Variants in FERMT2 observed in about 807,000 individuals in gnomAD.
The protein encoded by FERMT2 is fermitin family homolog 2.
In FERMT2, 15 loss-of-function variants were observed where a neutral mutation model predicts 82.7. The ratio of observed to expected loss-of-function variants is 0.18; its 90% CI spans 0.12 to 0.28. The LOEUF (loss-of-function observed/expected upper bound fraction) is 0.28, where lower values mean the gene tolerates loss of function less well. FERMT2 is among the 10% of genes least tolerant of loss of function. The pLI is 1.00. For synonymous variants in FERMT2, 274 were observed against 271.5 expected (o/e 1.01, Z -0.09); for missense variants, 645 against 809.4 (o/e 0.80, Z 2.46).
rs528755413 is a variant in FERMT2 at position 52,933,192 on chromosome 14, A to T, written c.158-13836T>A. ...TAGATAATATGTATCTCTACAAGTT[A>T]TATTTTACTTTTTCCTCTCCCTCAG... On this transcript the variant is annotated intron_variant, in intron 2 of 14. Coordinates refer to ENST00000341590, the MANE Select transcript of FERMT2 (RefSeq NM_006832.3). 2.5e-4 allele frequency among the ~76,000 whole-genome samples: 38 copies of T among 152,292 alleles called. 1 individual carries two copies. Among genetic ancestry groups the T allele is most frequent in the African/African-American group, 8.2e-4 (34 of 41,568 alleles).
intron 4 of FERMT2, among the ~76,000 whole-genome samples, chr14:52,891,515 ATT>A (rs1390652958): frequency 6.6e-6 from 1 of 152,216 alleles, no homozygotes; most frequent in East Asian, 1.9e-4. Flanking sequence ...CTGTGCCATA[ATT>A]TCTTATCCTT....
chr14:52,931,952 C>T (rs1252285231), intron 2 of FERMT2, among the ~76,000 whole-genome samples: 1 of 152,176 alleles, frequency 6.6e-6, no homozygotes, highest in Non-Finnish European at 1.5e-5. Context: ...TCACCTGAAC[C>T]TGGGAGGCAG....
chr14:52,887,421 G>A (rs1886677760), intron 4 of FERMT2, among the ~76,000 whole-genome samples: 2 of 151,994 alleles, frequency 1.3e-5, no homozygotes, highest in Admixed American at 6.6e-5. Context: ...GCGGAGGGAG[G>A]AGGATCACTT....
intron 2 of FERMT2, among the ~76,000 whole-genome samples, chr14:52,949,664 GA>G (rs1159764418): frequency 6.6e-6 from 1 of 152,182 alleles, no homozygotes; most frequent in Non-Finnish European, 1.5e-5. Flanking sequence ...CATACTGTAA[GA>G]TACCTTATTA....
intron 12 of FERMT2, chr14:52,862,720 G>C (rs7151847): frequency 1.1e-3 from 161 of 152,264 alleles, no homozygotes; most frequent in African/African-American, 3.6e-3. Context: ...GCTCTAGTGA[G>C]AGAAAGGAGG....
intron 3 of FERMT2, among the ~76,000 whole-genome samples, chr14:52,913,015 T>C (rs1888410543): frequency 6.6e-6 from 1 of 152,208 alleles, no homozygotes; most frequent in African/African-American, 2.4e-5. Flanking sequence ...CTAAAAGTGA[T>C]TTTGATCCTT....
intron 3 of FERMT2, among the ~76,000 whole-genome samples, chr14:52,905,062 G>A (rs970688776): frequency 6.6e-6 from 1 of 151,328 alleles, no homozygotes; most frequent in Non-Finnish European, 1.5e-5. Flanking sequence ...GGTGGTGTGC[G>A]CTTGTAATCC....
chr14:52,931,425 T>A (rs1332248539), intron 2 of FERMT2, among the ~76,000 whole-genome samples: 1 of 152,254 alleles, frequency 6.6e-6, no homozygotes, highest in Non-Finnish European at 1.5e-5. Flanking sequence ...TTTATTAACA[T>A]AATTTTGATT....
Position 52,912,630 on chromosome 14 carries a change from C to T in FERMT2, c.391+6493G>A, listed in dbSNP as rs556641233. Among the ~76,000 whole-genome samples the T allele has an allele frequency of 4.6e-5, 7 of 152,170 alleles. No homozygotes were observed. The South Asian group carries it at 1.0e-3, about 23-fold the overall frequency. ...GTTCAAGCGATTCTCCTGCCTCAGC[C>T]TCTCAAACAGTTGGGACCACAGGTG... is the stretch of plus-strand genomic sequence containing the variant. On this transcript the variant is annotated intron_variant, in intron 3 of 14. Transcript: ENST00000341590.
intron 2 of FERMT2, among the ~76,000 whole-genome samples, chr14:52,936,839 C>T (rs2139687414): frequency 6.6e-6 from 1 of 152,232 alleles, no homozygotes; most frequent in Non-Finnish European, 1.5e-5. Context: ...ATACTCACTA[C>T]ATTATAGTAA....
chr14:52,947,903 T>C (rs759981044), intron 2 of FERMT2, among the ~76,000 whole-genome samples: 39 of 152,250 alleles, frequency 2.6e-4, no homozygotes, highest in Non-Finnish European at 4.3e-4. Flanking sequence ...TAATTGCTGC[T>C]ACTGAACATT....
chr14:52,858,610 A>G, intron 14 of FERMT2, 60 bp from the exon 15 acceptor site: 2 of 1,489,916 alleles, frequency 1.3e-6, no homozygotes, highest in Non-Finnish European at 1.9e-6. Flanking sequence ...GGGTCCACAC[A>G]AAACTACTGT....
At chr14:52,898,072 G>A (rs1887404461) in intron 3 of FERMT2, among the ~76,000 whole-genome samples, 2 of 151,202 alleles carry the variant, frequency 1.3e-5, no homozygotes, top group African/African-American at 4.9e-5. Flanking sequence ...GTATTTTACA[G>A]GCTATTTTCT....
At chr14:52,900,104 T>TG (rs1027309920) in intron 3 of FERMT2, among the ~76,000 whole-genome samples, 1 of 152,096 alleles carries the variant, frequency 6.6e-6, no homozygotes, top group Non-Finnish European at 1.5e-5. Flanking sequence ...CAATGTTTTT[T>TG]TTTGTTTGTT....
chr14:52,871,940 G>C (rs1885649590), intron 10 of FERMT2: 2 of 152,460 alleles, frequency 1.3e-5, no homozygotes, highest in African/African-American at 2.4e-5. Flanking sequence ...GCCAGGATGA[G>C]AGCAAAGACA....
chr14:52,922,118 A>G (rs1014264780), intron 2 of FERMT2, among the ~76,000 whole-genome samples: 1 of 152,240 alleles, frequency 6.6e-6, no homozygotes. Context: ...TGAGGGGATC[A>G]GTGAAAGTGA....
At chr14:52,939,030 A>G (rs1291903494) in intron 2 of FERMT2, among the ~76,000 whole-genome samples, 1 of 151,876 alleles carries the variant, frequency 6.6e-6, no homozygotes, top group African/African-American at 2.4e-5. Flanking sequence ...CTTAAAATCA[A>G]TTCCTAATAT....
At chr14:52,892,896 T>C (rs1238387989) in intron 4 of FERMT2, among the ~76,000 whole-genome samples, 1 of 152,250 alleles carries the variant, frequency 6.6e-6, no homozygotes, top group Non-Finnish European at 1.5e-5. Flanking sequence ...AGAACTGGGC[T>C]TCCTCTTTAT....
intron 4 of FERMT2, among the ~76,000 whole-genome samples, chr14:52,887,592 C>G (rs1030764321): frequency 6.6e-6 from 1 of 151,752 alleles, no homozygotes; most frequent in Non-Finnish European, 1.5e-5. Flanking sequence ...CTTTGGGAGG[C>G]TGAGGTGAAA....
Sources: gnomAD v4.1 joint callset for allele counts (sites outside exome capture counted in the v4.1 genomes callset) on GRCh38, gnomAD v4.1.1 for gene constraint, MANE v1.5 for transcripts, NCBI Gene and HGNC (gene_info 2026-07-23, HGNC 2026-07-21) for gene names.